Variants in CIB2 observed in about 807,000 individuals in gnomAD.
CIB2 encodes the protein calcium and integrin-binding family member 2.
In CIB2, 19 loss-of-function variants were observed where a neutral mutation model predicts 23.1. The ratio of observed to expected loss-of-function variants is 0.82; its 90% CI spans 0.57 to 1.21. CIB2 has a LOEUF of 1.21. Among genes scored for constraint, CIB2 ranks in the 50% most tolerant of loss-of-function variants. CIB2 has a pLI of 0.00. For missense variants in CIB2, 220 were observed against 241.5 expected (o/e 0.91, Z 0.59); for synonymous variants, 94 against 91.7 (o/e 1.03, Z -0.14).
At chr15:78,111,331 C>A in intron 2 of CIB2, 55 bp from the exon 3 acceptor site, 2 of 1,436,644 alleles carry the variant, frequency 1.4e-6, no homozygotes, top group Non-Finnish European at 1.9e-6. Flanking sequence ...TAAGCCCCAG[C>A]AGCCCGGTGC....
intron 5 of CIB2, 43 bp downstream of exon 5, chr15:78,105,696 C>T (rs751124494): frequency 1.9e-6 from 3 of 1,612,704 alleles, no homozygotes; most frequent in Non-Finnish European, 2.5e-6. Flanking sequence ...CCCGGCCTGC[C>T]CTGCTCTGCC....
Position 78,131,072 on chromosome 15 carries a change from C to A in CIB2, c.51+93G>T. 8.7e-7 allele frequency: 1 copy of A among 1,151,522 alleles called. No individual in the cohort carries two copies. The highest frequency in any genetic ancestry group is 1.2e-6 in the Non-Finnish European group (1 of 827,920). The allele number at this position is 1,151,522 out of a possible 1,614,324, so 71.3% of individuals were successfully genotyped here. On this transcript the variant is annotated intron_variant, in intron 1 of 5. Coordinates refer to ENST00000258930, the MANE Select transcript of CIB2 (RefSeq NM_006383.4). The surrounding 1 kb of genome is among the most constrained non-coding windows in gnomAD (Gnocchi z 5.8). Reference sequence around the variant, plus strand: ...GAGGCAGGGTTTGAACCTGGGAGAGCTGGCTCTCGGGAGGCCTCGGCCAGC... The same window carrying A: ...GAGGCAGGGTTTGAACCTGGGAGAGATGGCTCTCGGGAGGCCTCGGCCAGC...
At chr15:78,123,934 C>T (rs780254767) in intron 1 of CIB2, among the ~76,000 whole-genome samples, 195 bp from the exon 2 acceptor site, 1 of 152,186 alleles carries the variant, frequency 6.6e-6, no homozygotes, top group Admixed American at 6.5e-5. Flanking sequence ...CCTCCCAAAA[C>T]CTTTATCCAT....
At chr15:78,112,015 G>A (rs983025701) in intron 2 of CIB2, among the ~76,000 whole-genome samples, 1 of 152,118 alleles carries the variant, frequency 6.6e-6, no homozygotes, top group Non-Finnish European at 1.5e-5. Flanking sequence ...TGCTACCCTG[G>A]TGGGCCTGGC....
At chr15:78,122,059 G>A (rs928061699) in intron 2 of CIB2, among the ~76,000 whole-genome samples, 2 of 152,206 alleles carry the variant, frequency 1.3e-5, no homozygotes, top group African/African-American at 4.8e-5. Context: ...GGTCACTGGT[G>A]GCTAACAGGT....
intron 1 of CIB2, among the ~76,000 whole-genome samples, chr15:78,127,592 C>T (rs1186735918): frequency 6.6e-6 from 1 of 151,492 alleles, no homozygotes; most frequent in East Asian, 1.9e-4. Context: ...TCCAGGTTGT[C>T]CAAACCCTTT....
chr15:78,131,117 C>T lies in CIB2; in HGVS notation c.51+48G>A. 2 of 1,406,672 alleles carry T rather than the reference C, an allele frequency of 1.4e-6. No individual in the cohort carries two copies. The highest frequency in any genetic ancestry group is 1.9e-6 in the Non-Finnish European group (2 of 1,054,178). The allele number at this position is 1,406,672 out of a possible 1,614,324, so 87.1% of individuals were successfully genotyped here. A position where few individuals can be genotyped will look rare whatever the true frequency, so the allele number is the denominator to read the frequency against. ...GCCAGCGACCGAGAAAAGGGAGGGG[C>T]GGCGGGGCGGCGGGGCCTGTGTTGG... is the stretch of plus-strand genomic sequence containing the variant. On this transcript the variant is annotated intron_variant, in intron 1 of 5. Transcript: ENST00000258930. This position sits in a 1 kb window ranked among gnomAD's most constrained non-coding sequence, Gnocchi z 5.8.
intron 2 of CIB2, 73 bp downstream of exon 2, chr15:78,123,632 C>T (rs879052201): frequency 6.6e-7 from 1 of 1,506,244 alleles, no homozygotes; most frequent in Non-Finnish European, 9.2e-7. Flanking sequence ...CACAGCCAGC[C>T]CATGTGGGGT....
At chr15:78,117,734 G>T (rs140375746) in intron 2 of CIB2, among the ~76,000 whole-genome samples, 1 of 152,180 alleles carries the variant, frequency 6.6e-6, no homozygotes, top group Admixed American at 6.5e-5. Flanking sequence ...GCAGGTGTCC[G>T]TTCTAAAGAG....
chr15:78,105,940 G>A lies in CIB2; in HGVS notation c.347-6C>T, dbSNP rs1236335482. ...GAAGTTGTCAGTGTTGAAGTCTGTA[G>A]GGCAGGGGTTGGACATGTTCAAGTC... is the stretch of plus-strand genomic sequence containing the variant. On this transcript the variant is annotated splice_polypyrimidine_tract_variant and splice_region_variant and intron_variant, in intron 4 of 5. Transcript: ENST00000258930. 3.7e-6 allele frequency: 6 copies of A among 1,613,398 alleles called. No homozygotes were observed. The highest frequency in any genetic ancestry group is 5.1e-6 in the Non-Finnish European group (6 of 1,179,602).
At chr15:78,106,417 G>A (rs773991509) in intron 4 of CIB2, among the ~76,000 whole-genome samples, 6 of 152,308 alleles carry the variant, frequency 3.9e-5, no homozygotes, top group African/African-American at 1.2e-4. Flanking sequence ...ACTGCACCCC[G>A]TTGCCTCAGT....
At chr15:78,126,824 C>T (rs2074387458) in intron 1 of CIB2, among the ~76,000 whole-genome samples, 1 of 152,224 alleles carries the variant, frequency 6.6e-6, no homozygotes, top group African/African-American at 2.4e-5. Context: ...ACTGATGTTT[C>T]ACTTTTTCTT....
In CIB2 at chr15:78,111,164, C is replaced by G; in HGVS notation, c.198+1G>C. On this transcript the variant is annotated splice_donor_variant, in intron 3 of 5. Coordinates refer to ENST00000258930, the MANE Select transcript of CIB2 (RefSeq NM_006383.4). LOFTEE classifies it high-confidence loss of function. ...TCGCCAGCAAGAGGTCCTGCACATACCCGGAGCTCTGGCATCTGGATGATG... is the reference window on the plus strand; with the variant it reads ...TCGCCAGCAAGAGGTCCTGCACATAGCCGGAGCTCTGGCATCTGGATGATG... The G allele has an allele frequency of 6.2e-7, 1 of 1,613,648 alleles. No homozygotes were observed. Among genetic ancestry groups the G allele is most frequent in the Non-Finnish European group, 8.5e-7 (1 of 1,179,586 alleles).
intron 2 of CIB2, among the ~76,000 whole-genome samples, chr15:78,121,712 C>T (rs2074321728): frequency 1.3e-5 from 2 of 152,308 alleles, no homozygotes; most frequent in South Asian, 2.1e-4. Flanking sequence ...TTGTAAGTTT[C>T]CTGAGGCCTC....
At chr15:78,120,125 A>G (rs922976951) in intron 2 of CIB2, among the ~76,000 whole-genome samples, 2 of 152,016 alleles carry the variant, frequency 1.3e-5, no homozygotes, top group South Asian at 4.2e-4. Context: ...ACTGGTCACA[A>G]ACCCCTGAGT....
chr15:78,130,931 A>G (rs1461317040), intron 1 of CIB2, among the ~76,000 whole-genome samples: 1 of 152,048 alleles, frequency 6.6e-6, no homozygotes, highest in Non-Finnish European at 1.5e-5. Context: ...GTAGCTGGAG[A>G]GAGGCGCGCC....
chr15:78,108,671 A>AT (rs1363565075), intron 4 of CIB2, among the ~76,000 whole-genome samples: 2 of 152,110 alleles, frequency 1.3e-5, no homozygotes, highest in African/African-American at 2.4e-5. Flanking sequence ...TGGCTCCTCC[A>AT]TTTTACACCT....
Position 78,123,840 on chromosome 15 carries a change from C to A in CIB2, c.52-101G>T, listed in dbSNP as rs1016138312. 22 of 1,345,932 alleles carry A rather than the reference C, an allele frequency of 1.6e-5. No homozygotes were observed. In the South Asian group the frequency reaches 2.0e-4, roughly 12 times the overall value. 83.4% of individuals were successfully genotyped at this position (1,345,932 alleles called of 1,614,324 possible). A position where few individuals can be genotyped will look rare whatever the true frequency, so the allele number is the denominator to read the frequency against. ...AGGGCTCACAGGGGATAGCTCCGGA[C>A]TGGGGACAGAAGAGTCACTACTATC... On this transcript the variant is annotated intron_variant, in intron 1 of 5. Coordinates refer to ENST00000258930, the MANE Select transcript of CIB2 (RefSeq NM_006383.4).
rs904251624 is a variant in CIB2, at chr15:78,110,581, A to G, written c.198+584T>C. 6.7e-5 allele frequency: 30 copies of G among 446,222 alleles called. 1 individual carries two copies. The highest frequency in any genetic ancestry group is 3.4e-4 in the South Asian group (22 of 64,098). The allele number at this position is 446,222 out of a possible 1,614,324, so 27.6% of individuals were successfully genotyped here. The stretch of plus-strand genomic sequence containing the variant: ...CTTCTTAATGCTGAATGCACTTTAC[A>G]TATTATGGATAAGGAACTCATGAAA... On this transcript the variant is annotated intron_variant, in intron 3 of 5. Coordinates refer to ENST00000258930, the MANE Select transcript of CIB2 (RefSeq NM_006383.4).
Sources: allele counts gnomAD v4.1 joint callset (sites outside exome capture counted in the v4.1 genomes callset), GRCh38; gene constraint gnomAD v4.1.1; non-coding constraint Gnocchi (gnomAD v3.1); transcripts MANE v1.5; gene names NCBI Gene and HGNC (gene_info 2026-07-23, HGNC 2026-07-21).